Variants in TMEM64 observed in about 807,000 individuals in gnomAD.
TMEM64 encodes transmembrane protein 64.
A neutral mutation model predicts 24.5 loss-of-function variants in TMEM64; 19 were observed. The ratio of observed to expected loss-of-function variants is 0.78; its 90% confidence interval spans 0.54 to 1.14. The LOEUF is 1.14. TMEM64 is among the 50% of genes most tolerant of loss of function. TMEM64 has a pLI of 0.00. For synonymous variants in TMEM64, 262 were observed against 224.7 expected (o/e 1.17, Z -1.49); for missense variants, 487 against 493.0 (o/e 0.99, Z 0.12).
At chr8:90,629,584 G>C (rs1233313770) in intron 2 of TMEM64, among the ~76,000 whole-genome samples, 1 of 151,876 alleles carries the variant, frequency 6.6e-6, no homozygotes, top group East Asian at 1.9e-4. Context: ...ACAGTTCTTT[G>C]GGACAATCAT....
intron 1 of TMEM64, among the ~76,000 whole-genome samples, chr8:90,642,568 G>A (rs1809620617): frequency 6.6e-6 from 1 of 152,212 alleles, no homozygotes; most frequent in Non-Finnish European, 1.5e-5. Flanking sequence ...CTAGAAGGCA[G>A]AAAGTCAAGT....
chr8:90,645,866 G>A lies in TMEM64; in HGVS notation c.40C>T (p.Arg14Trp), dbSNP rs557499269. 5.4e-5 allele frequency: 61 copies of A among 1,135,704 alleles called. No individual in the cohort carries two copies. The highest frequency in any genetic ancestry group is 1.5e-4 in the Admixed American group (3 of 20,470). The allele number at this position is 1,135,704 out of a possible 1,614,324, so 70.4% of individuals were successfully genotyped here. A position where few individuals can be genotyped will look rare whatever the true frequency, so the allele number is the denominator to read the frequency against. ...GGGAGGGCGGCGTGCTGCAGCAGCCGGGGCAGCGCCTGGAGCAGGATCCCG... is the reference window on the plus strand; with the variant it reads ...GGGAGGGCGGCGTGCTGCAGCAGCCAGGGCAGCGCCTGGAGCAGGATCCCG... Reference protein sequence around the residue: ...PGGILLQALPRLLQHAALPGL... With the variant: ...PGGILLQALPWLLQHAALPGL... The change falls in exon 1 of 3, where the codon CGG becomes TGG. Residue 14 changes from arginine to tryptophan, a missense_variant. By Grantham distance (101) the Arg-to-Trp change is moderately radical. Coordinates refer to ENST00000458549, the MANE Select transcript of TMEM64 (RefSeq NM_001008495.4). The surrounding 1 kb of genome is among the most constrained non-coding windows in gnomAD (Gnocchi z 4.2).
intron 1 of TMEM64, among the ~76,000 whole-genome samples, chr8:90,642,665 G>C (rs1251412094): frequency 6.6e-6 from 1 of 152,260 alleles, no homozygotes; most frequent in South Asian, 2.1e-4. Context: ...TTGTTGAAAG[G>C]ACTACTTCTG....
At chr8:90,629,672 A>G (rs936017358) in intron 2 of TMEM64, among the ~76,000 whole-genome samples, 4 of 152,184 alleles carry the variant, frequency 2.6e-5, no homozygotes, top group African/African-American at 9.6e-5. Flanking sequence ...GCTGTATTAT[A>G]TAAATAAACC....
At chr8:90,634,752 G>A (rs1340225527) in intron 1 of TMEM64, among the ~76,000 whole-genome samples, 1 of 152,024 alleles carries the variant, frequency 6.6e-6, no homozygotes, top group Non-Finnish European at 1.5e-5. Context: ...TACTGATTTT[G>A]AAAGTAACTT....
At chr8:90,633,451 G>A (rs1031298713) in intron 1 of TMEM64, among the ~76,000 whole-genome samples, 4 of 152,152 alleles carry the variant, frequency 2.6e-5, no homozygotes, top group Non-Finnish European at 4.4e-5. Flanking sequence ...AGGAATTCCT[G>A]ACCCAGAGAA....
chr8:90,631,630 G>GT lies in TMEM64; in HGVS notation c.872dup (p.Tyr291Ter). Residue 291 changes from tyrosine to a stop codon, truncating the protein, a stop_gained and frameshift_variant, in exon 2 of 3, where the codon TAC (tyrosine) becomes TAAC (stop). Coordinates refer to ENST00000458549, the MANE Select transcript of TMEM64 (RefSeq NM_001008495.4). LOFTEE classifies it high-confidence loss of function. ...CCATTGTCCGCAGGGTGGTACCCAA[G>GT]TAAGAATTCAGAAGCTGGGTAGGAA... is the stretch of plus-strand genomic sequence containing the variant. Reference protein sequence around the residue: ...GLLPTQLLNSYLGTTLRTMED... With the variant: ...GLLPTQLLNS The GT allele has an allele frequency of 1.2e-6, 2 of 1,613,762 alleles. No individual in the cohort carries two copies. Among genetic ancestry groups the GT allele is most frequent in the Non-Finnish European group, 1.7e-6 (2 of 1,179,716 alleles).
At chr8:90,633,003 C>T (rs1809462861) in intron 1 of TMEM64, among the ~76,000 whole-genome samples, 1 of 152,158 alleles carries the variant, frequency 6.6e-6, no homozygotes, top group Non-Finnish European at 1.5e-5. Context: ...ATTACAATGA[C>T]ATCTTTTGGA....
At chr8:90,626,716 T>C (rs1241872360) in intron 2 of TMEM64, among the ~76,000 whole-genome samples, 1 of 150,898 alleles carries the variant, frequency 6.6e-6, no homozygotes, top group Non-Finnish European at 1.5e-5. Flanking sequence ...CTGCAACTTA[T>C]GCCTCCCGGG....
chr8:90,626,442 G>A (rs1809360483), intron 2 of TMEM64, among the ~76,000 whole-genome samples: 1 of 151,936 alleles, frequency 6.6e-6, no homozygotes, highest in African/African-American at 2.4e-5. Context: ...CAAAATCAGA[G>A]GAAAACATGA....
rs1466153800 is a variant in TMEM64, at chr8:90,645,772, C to G, written c.134G>C (p.Arg45Pro). The G allele has an allele frequency of 9.8e-7, 1 of 1,024,460 alleles. No homozygotes were observed. The highest frequency in any genetic ancestry group is 1.2e-6 in the Non-Finnish European group (1 of 857,800). The allele number at this position is 1,024,460 out of a possible 1,614,324, so 63.5% of individuals were successfully genotyped here. ...RGAGGDGPAD[R>P]LPRGGGASAA... ...GCTCGCCCCGCCCCCGCGGGGAAGG[C>G]GGTCCGCCGGGCCGTCCCCGCCCGC... The change falls in exon 1 of 3, where the codon CGC becomes CCC. Residue 45 changes from arginine (R) to proline (P), a missense_variant. By Grantham distance (103) the Arg-to-Pro change is moderately radical. This residue lies in a region of TMEM64 where 419 missense variants were observed against 407.5 expected (regional missense o/e 1.03). Coordinates refer to ENST00000458549, the MANE Select transcript of TMEM64 (RefSeq NM_001008495.4). This position sits in a 1 kb window ranked among gnomAD's most constrained non-coding sequence, Gnocchi z 4.2.
chr8:90,637,569 T>A (rs1809542947), intron 1 of TMEM64, among the ~76,000 whole-genome samples: 1 of 151,944 alleles, frequency 6.6e-6, no homozygotes, highest in Admixed American at 6.6e-5. Flanking sequence ...TATTATAAAT[T>A]CCAATTAAAA....
intron 1 of TMEM64, among the ~76,000 whole-genome samples, chr8:90,635,441 C>G (rs1383588049): frequency 6.6e-6 from 1 of 151,182 alleles, no homozygotes; most frequent in African/African-American, 2.4e-5. Context: ...GTCACCCAGG[C>G]TAGAGTGCAA....
At chr8:90,642,665 G>A (rs1251412094) in intron 1 of TMEM64, among the ~76,000 whole-genome samples, 1 of 152,142 alleles carries the variant, frequency 6.6e-6, no homozygotes, top group Non-Finnish European at 1.5e-5. Flanking sequence ...TTGTTGAAAG[G>A]ACTACTTCTG....
chr8:90,627,337 T>C (rs1797044572), intron 2 of TMEM64, among the ~76,000 whole-genome samples: 1 of 152,104 alleles, frequency 6.6e-6, no homozygotes, highest in Non-Finnish European at 1.5e-5. Flanking sequence ...ATCTTAAAGC[T>C]GGGTCTTTAA....
At position 90,627,527 on chromosome 8, in the gene TMEM64, C is replaced by T. The variant is rs567622542; in HGVS notation, c.952-1665G>A. Among the ~76,000 whole-genome samples, 295 of 152,074 alleles carry T rather than the reference C, an allele frequency of 1.9e-3. 1 individual carries two copies. The highest frequency in any genetic ancestry group is 6.9e-3 in the African/African-American group (286 of 41,448). On this transcript the variant is annotated intron_variant, in intron 2 of 2. Coordinates refer to ENST00000458549, the MANE Select transcript of TMEM64 (RefSeq NM_001008495.4). ...CCTTCTGTTTAAGACATGCTGAATTCGAGGTGCCTCTTAGATATCCAAAAA... is the reference window on the plus strand; with the variant it reads ...CCTTCTGTTTAAGACATGCTGAATTTGAGGTGCCTCTTAGATATCCAAAAA...
At chr8:90,639,177 G>T (rs1809565188) in intron 1 of TMEM64, among the ~76,000 whole-genome samples, 2 of 151,792 alleles carry the variant, frequency 1.3e-5, no homozygotes, top group Non-Finnish European at 2.9e-5. Context: ...CAGCTAGAGA[G>T]GGCTTCAGGG....
chr8:90,634,649 C>A (rs571775329), intron 1 of TMEM64, among the ~76,000 whole-genome samples: 2 of 152,080 alleles, frequency 1.3e-5, no homozygotes, highest in Non-Finnish European at 2.9e-5. Context: ...TCTTTTATAC[C>A]TCTTACTAAA....
In TMEM64 at chr8:90,625,631, T is replaced by C. The variant is rs1809344805; in HGVS notation, c.*40A>G. ...AGTGAAGTGACTGCTAGACCTTAGA[T>C]AGCACACTAGGCTCTTGACAATCAC... On this transcript the variant is annotated 3_prime_UTR_variant, in exon 3 of 3. Transcript: ENST00000458549. 4 of 1,556,358 alleles carry C rather than the reference T, an allele frequency of 2.6e-6. No homozygotes were observed. Among genetic ancestry groups the C allele is most frequent in the Admixed American group, 1.7e-5 (1 of 58,568 alleles).
Sources: gnomAD v4.1 joint callset for allele counts (sites outside exome capture counted in the v4.1 genomes callset) on GRCh38, gnomAD v4.1.1 for gene constraint, gnomAD v4.1.1 regional missense constraint, Gnocchi (gnomAD v3.1) non-coding constraint, MANE v1.5 for transcripts, NCBI Gene and HGNC (gene_info 2026-07-23, HGNC 2026-07-21) for gene names.